Variants in TCEA1 observed in about 807,000 individuals in gnomAD.
TCEA1 encodes the protein transcription elongation factor A protein 1.
TCEA1 carries 21 observed loss-of-function variants against 43.8 expected under a neutral mutation model. The observed-to-expected ratio is 0.48, with a 90% CI of 0.34 to 0.69. The LOEUF is 0.69. TCEA1 is among the 30% of genes least tolerant of loss of function. The probability of loss-of-function intolerance (pLI) is 0.01; values close to 1 mark genes in which losing one functional copy is unlikely to be tolerated. For synonymous variants in TCEA1, 104 were observed against 117.5 expected (o/e 0.88, Z 0.75); for missense variants, 250 against 365.1 (o/e 0.68, Z 2.57).
In TCEA1 at chr8:53,983,802, T is replaced by C. The variant is rs547930183; in HGVS notation, c.678+561A>G. Among the ~76,000 whole-genome samples the C allele has an allele frequency of 5.3e-5, 8 of 152,284 alleles. No individual in the cohort carries two copies. In the East Asian group the frequency reaches 1.5e-3, roughly 29 times the overall value. On this transcript the variant is annotated intron_variant, in intron 7 of 9. Transcript: ENST00000521604. ...TGGTTCTACACTAATTCATAAAAAG[T>C]AAAAAACACTTGGTGGCCAGCCGTG...
At chr8:54,000,918 C>A (rs1474677961) in intron 2 of TCEA1, among the ~76,000 whole-genome samples, 1 of 152,084 alleles carries the variant, frequency 6.6e-6, no homozygotes, top group Non-Finnish European at 1.5e-5. Context: ...TGCCACCTCG[C>A]CCGGCTGATT....
At chr8:54,002,470 A>G (rs1171666651) in intron 2 of TCEA1, among the ~76,000 whole-genome samples, 12 of 150,554 alleles carry the variant, frequency 8.0e-5, no homozygotes, top group Non-Finnish European at 1.5e-5. Flanking sequence ...CTCCGTCTCA[A>G]AAAAAAAAAG....
intron 7 of TCEA1, 80 bp from the exon 8 acceptor site, chr8:53,979,251 A>C: frequency 7.4e-7 from 1 of 1,349,742 alleles, no homozygotes; most frequent in East Asian, 2.4e-5. Context: ...CAATTAGCCT[A>C]ATAATAATAA....
intron 1 of TCEA1, chr8:54,021,849 T>C (rs1805045635): frequency 1.5e-5 from 6 of 406,248 alleles, no homozygotes; most frequent in Non-Finnish European, 2.6e-5. Flanking sequence ...GAGCAGGGAC[T>C]GGAAATACAA....
At chr8:53,970,286 G>T in intron 9 of TCEA1, 106 bp downstream of exon 9, 1 of 799,216 alleles carries the variant, frequency 1.3e-6, no homozygotes, top group Non-Finnish European at 2.3e-6. Flanking sequence ...TGTATAGTGT[G>T]AGCATATCTG....
In TCEA1 at chr8:53,967,601, A is replaced by C. The variant is rs1156249763; in HGVS notation, c.*503T>G. ...CAAATTCATAAGCTACCTCAAAATT[A>C]TGTACATTTTAGATAAGCTGGTCAA... On this transcript the variant is annotated 3_prime_UTR_variant, in exon 10 of 10. Coordinates refer to ENST00000521604, the MANE Select transcript of TCEA1 (RefSeq NM_006756.4). 5 of 201,282 alleles carry C rather than the reference A, an allele frequency of 2.5e-5. 1 individual carries two copies. In the East Asian group the frequency reaches 4.0e-4, roughly 16 times the overall value. 12.5% of individuals were successfully genotyped at this position (201,282 alleles called of 1,614,324 possible). A position where few individuals can be genotyped will look rare whatever the true frequency, so the allele number is the denominator to read the frequency against.
intron 8 of TCEA1, among the ~76,000 whole-genome samples, chr8:53,974,457 T>C (rs1056686654): frequency 1.3e-5 from 2 of 150,520 alleles, no homozygotes; most frequent in African/African-American, 4.9e-5. Flanking sequence ...ATAAAATGTT[T>C]ATATTTTATG....
At chr8:54,021,315 C>T (rs1805021675) in intron 1 of TCEA1, among the ~76,000 whole-genome samples, 1 of 152,190 alleles carries the variant, frequency 6.6e-6, no homozygotes, top group Non-Finnish European at 1.5e-5. Context: ...CATATGCTTA[C>T]ATGAATATTC....
chr8:53,992,945 T>A (rs984739468), intron 4 of TCEA1, among the ~76,000 whole-genome samples: 1 of 148,332 alleles, frequency 6.7e-6, no homozygotes, highest in Non-Finnish European at 1.5e-5. Flanking sequence ...TAAGTTCTTA[T>A]AACAAATGGC....
chr8:53,974,358 GTTC>G (rs1369969836), intron 8 of TCEA1: 4 of 152,054 alleles, frequency 2.6e-5, no homozygotes, highest in African/African-American at 4.8e-5. Flanking sequence ...ATAAATAGTT[GTTC>G]TTAATTGTGG....
chr8:54,012,284 G>A (rs766048846), intron 1 of TCEA1, among the ~76,000 whole-genome samples: 1 of 152,184 alleles, frequency 6.6e-6, no homozygotes, highest in Admixed American at 6.5e-5. Context: ...TGTTAAGGCC[G>A]GGCGCAGTGG....
chr8:54,014,249 T>C (rs1804749981), intron 1 of TCEA1, among the ~76,000 whole-genome samples: 1 of 152,090 alleles, frequency 6.6e-6, no homozygotes, highest in African/African-American at 2.4e-5. Context: ...CTTTGTGAAT[T>C]CAGATGACTA....
At chr8:53,972,523 T>G in intron 8 of TCEA1, 3 of 541,056 alleles carry the variant, frequency 5.5e-6, no homozygotes, top group South Asian at 4.2e-5. Flanking sequence ...GTTTGCAACA[T>G]GGACTGGGAT....
At chr8:53,970,111 T>C (rs1803111027) in intron 9 of TCEA1, among the ~76,000 whole-genome samples, 1 of 152,160 alleles carries the variant, frequency 6.6e-6, no homozygotes, top group South Asian at 2.1e-4. Flanking sequence ...TTAATGAATA[T>C]AGTATAAATA....
intron 2 of TCEA1, among the ~76,000 whole-genome samples, chr8:54,005,897 CT>C (rs374711739): frequency 4.9e-4 from 74 of 152,278 alleles, no homozygotes; most frequent in African/African-American, 1.5e-3. Context: ...CCACCTATGT[CT>C]TTAAAATCCT....
intron 8 of TCEA1, among the ~76,000 whole-genome samples, chr8:53,977,198 T>C (rs1172981561): frequency 1.3e-5 from 2 of 152,162 alleles, no homozygotes; most frequent in Admixed American, 6.5e-5. Context: ...TGGGTGCCTG[T>C]AGTCCCAGCT....
intron 2 of TCEA1, 138 bp from the exon 3 acceptor site, chr8:54,000,188 A>G (rs1804212277): frequency 6.9e-6 from 4 of 575,832 alleles, no homozygotes; most frequent in Non-Finnish European, 9.2e-6. Context: ...TCCTTATAAT[A>G]GCAAATTATA....
At chr8:53,973,258 G>A (rs769890589) in intron 8 of TCEA1, 1 of 480,856 alleles carries the variant, frequency 2.1e-6, no homozygotes, top group South Asian at 1.9e-5. Flanking sequence ...AAAATGATAT[G>A]GAAATGGAAA....
At chr8:53,969,720 C>T (rs921435858) in intron 9 of TCEA1, among the ~76,000 whole-genome samples, 7 of 152,164 alleles carry the variant, frequency 4.6e-5, no homozygotes, top group Non-Finnish European at 8.8e-5. Flanking sequence ...AAAGACTAAA[C>T]TCCTACCACG....
Sources: allele counts gnomAD v4.1 joint callset (sites outside exome capture counted in the v4.1 genomes callset), GRCh38; gene constraint gnomAD v4.1.1; transcripts MANE v1.5; gene names NCBI Gene and HGNC (gene_info 2026-07-23, HGNC 2026-07-21).